The following NRROS variants were observed in gnomAD, a reference collection of about 807,000 sequenced individuals.
NRROS encodes negative regulator of reactive oxygen species, also known as transforming growth factor beta activator LRRC33.
Under a neutral mutation model 12.0 loss-of-function variants are expected in NRROS, and 6 were observed. The ratio of observed to expected loss-of-function variants is 0.50; its 90% confidence interval spans 0.27 to 0.98. NRROS has a LOEUF of 0.98. Ranked by LOEUF, NRROS falls within the 50% of genes least tolerant of loss-of-function variation. NRROS has a pLI of 0.11. For synonymous variants in NRROS, 462 were observed against 410.2 expected (o/e 1.13, Z -1.53); for missense variants, 857 against 888.2 (o/e 0.96, Z 0.45).
Position 196,649,627 on chromosome 3 carries a change from G to A in NRROS, c.-13-4900G>A, listed in dbSNP as rs375149144. Among the ~76,000 whole-genome samples the A allele has an allele frequency of 1.6e-3, 236 of 152,108 alleles. 2 individuals carry two copies. Among genetic ancestry groups the A allele is most frequent in the African/African-American group, 4.1e-3 (169 of 41,504 alleles). On this transcript the variant is annotated intron_variant, in intron 1 of 2. Transcript: ENST00000328557. The stretch of plus-strand genomic sequence containing the variant: ...GCTGGGACTACAGGCGCCCGCCACC[G>A]CGCCCGGCTAATTTTTTGTATTTTT...
intron 1 of NRROS, among the ~76,000 whole-genome samples, chr3:196,649,744 ACAGGC>A (rs1355154142): frequency 6.6e-6 from 1 of 152,238 alleles, no homozygotes; most frequent in Non-Finnish European, 1.5e-5. Flanking sequence ...TGCTGGGATT[ACAGGC>A]GTGAGCCACT....
At position 196,654,834 on chromosome 3, in the gene NRROS, G is replaced by A. The variant is rs1737504569; in HGVS notation, c.108+187G>A. On this transcript the variant is annotated intron_variant, in intron 2 of 2. Coordinates refer to ENST00000328557, the MANE Select transcript of NRROS (RefSeq NM_198565.3). The surrounding 1 kb of genome is among the most constrained non-coding windows in gnomAD (Gnocchi z 4.4). ...CCACAGGATTTTAAGATGCTTCCTG[G>A]GAAGAGCCAGGCAGTCCCTGCCCCG... The A allele has an allele frequency of 1.8e-6, 1 of 569,572 alleles. No homozygotes were observed. The highest frequency in any genetic ancestry group is 1.9e-5 in the African/African-American group (1 of 52,642). 35.3% of individuals were successfully genotyped at this position (569,572 alleles called of 1,614,324 possible).
In NRROS at chr3:196,661,880, C is replaced by G; in HGVS notation, c.*158C>G. On this transcript the variant is annotated 3_prime_UTR_variant, in exon 3 of 3. Transcript: ENST00000328557. The stretch of plus-strand genomic sequence containing the variant: ...CCTCATCGCCCACCCCACCCCCGCC[C>G]CCACCACCGCCCAAGTTCTTTTTCC... 1 of 486,216 alleles carries G rather than the reference C, an allele frequency of 2.1e-6. No homozygotes were observed. The highest frequency in any genetic ancestry group is 3.5e-6 in the Non-Finnish European group (1 of 283,918). 30.1% of individuals were successfully genotyped at this position (486,216 alleles called of 1,614,324 possible).
At chr3:196,650,574 C>T (rs1737405293) in intron 1 of NRROS, among the ~76,000 whole-genome samples, 1 of 152,240 alleles carries the variant, frequency 6.6e-6, no homozygotes, top group Non-Finnish European at 1.5e-5. Flanking sequence ...AGCCACCGCA[C>T]CTGTTCGCAA....
In NRROS at chr3:196,661,723, C is replaced by A. The variant is rs1316735601; in HGVS notation, c.*1C>A. On this transcript the variant is annotated 3_prime_UTR_variant, in exon 3 of 3. Coordinates refer to ENST00000328557, the MANE Select transcript of NRROS (RefSeq NM_198565.3). ...CTGCCACTGGTCCTCCGTTTACTGA[C>A]CTGGCTGTGTGCCAAGACTCGAAAT... is the stretch of plus-strand genomic sequence containing the variant. 1.9e-6 allele frequency: 3 copies of A among 1,580,888 alleles called. No individual in the cohort carries two copies. The highest frequency in any genetic ancestry group is 2.6e-6 in the Non-Finnish European group (3 of 1,166,470).
At chr3:196,643,073 CAAAA>C (rs10719005) in intron 1 of NRROS, among the ~76,000 whole-genome samples, 97 of 129,404 alleles carry the variant, frequency 7.5e-4, no homozygotes, top group African/African-American at 7.2e-4. Flanking sequence ...AATTCTGTCT[CAAAA>C]AAAAAAAAAA....
chr3:196,644,337 T>A (rs890710066), intron 1 of NRROS, among the ~76,000 whole-genome samples: 7 of 145,676 alleles, frequency 4.8e-5, no homozygotes, highest in African/African-American at 1.8e-4. Flanking sequence ...AGGCGGAGGT[T>A]GCAGTGAGCC....
At position 196,654,908 on chromosome 3, in the gene NRROS, G is replaced by A; in HGVS notation, c.108+261G>A. ...AGGAGGCATCCGAGACCAGCCTAGG[G>A]CATCCTCCCGGAACAAGAACAACTT... On this transcript the variant is annotated intron_variant, in intron 2 of 2. Transcript: ENST00000328557. The surrounding 1 kb of genome is among the most constrained non-coding windows in gnomAD (Gnocchi z 4.4). The A allele has an allele frequency of 2.5e-6, 1 of 405,558 alleles. No homozygotes were observed. The highest frequency in any genetic ancestry group is 2.1e-5 in the African/African-American group (1 of 48,324). The allele number at this position is 405,558 out of a possible 1,614,324, so 25.1% of individuals were successfully genotyped here.
chr3:196,661,121 C>T lies in NRROS; in HGVS notation c.1478C>T (p.Ser493Leu). The T allele has an allele frequency of 6.2e-7, 1 of 1,613,720 alleles. No individual in the cohort carries two copies. The highest frequency in any genetic ancestry group is 8.5e-7 in the Non-Finnish European group (1 of 1,179,684). The change falls in exon 3 of 3, where the codon TCA (serine) becomes TTA (leucine). Residue 493 changes from serine (S) to leucine (L), a missense_variant. Coordinates refer to ENST00000328557, the MANE Select transcript of NRROS (RefSeq NM_198565.3). ...QGTSLTYLDL[S>L]SNWGVLNGSL... ...ACCTCCCTGACCTACTTAGACCTCTCAAGCAACTGGGGGGTTCTGAATGGG... is the reference window on the plus strand; with the variant it reads ...ACCTCCCTGACCTACTTAGACCTCTTAAGCAACTGGGGGGTTCTGAATGGG...
At chr3:196,642,637 C>T (rs897079371) in intron 1 of NRROS, among the ~76,000 whole-genome samples, 14 of 152,178 alleles carry the variant, frequency 9.2e-5, no homozygotes, top group Non-Finnish European at 2.1e-4. Context: ...CGGGCCCAGC[C>T]TTACTCATAG....
chr3:196,657,007 C>CAGCCTG (rs1206745118), intron 2 of NRROS, among the ~76,000 whole-genome samples: 1 of 151,492 alleles, frequency 6.6e-6, no homozygotes, highest in Non-Finnish European at 1.5e-5. Flanking sequence ...AGTTTGAGAC[C>CAGCCTG]AGCCTGACCA....
intron 1 of NRROS, among the ~76,000 whole-genome samples, chr3:196,645,104 G>A (rs1271791898): frequency 6.6e-6 from 1 of 152,120 alleles, no homozygotes; most frequent in African/African-American, 2.4e-5. Flanking sequence ...TAAGAAATTA[G>A]AAAACTTCCA....
intron 2 of NRROS, among the ~76,000 whole-genome samples, chr3:196,658,835 T>A (rs1393181172): frequency 6.6e-6 from 1 of 152,112 alleles, no homozygotes; most frequent in Non-Finnish European, 1.5e-5. Flanking sequence ...CTGGGCGTGG[T>A]GGCATGTGCC....
Position 196,660,394 on chromosome 3 carries a change from G to C in NRROS, c.751G>C (p.Glu251Gln). The change falls in exon 3 of 3, where the codon GAG (glutamate) becomes CAG (glutamine). Residue 251 changes from glutamate to glutamine, a missense_variant. Transcript: ENST00000328557. This position sits in a 1 kb window ranked among gnomAD's most constrained non-coding sequence, Gnocchi z 7.7. ...CGCGACCGGGGGAGAGGCTGCCTTC[G>C]AGCTGGAGACGCTGGACCTGTCTCA... ...FLATGGEAAF[E>Q]LETLDLSHNQ... The C allele has an allele frequency of 6.2e-7, 1 of 1,613,888 alleles. No individual in the cohort carries two copies. The highest frequency in any genetic ancestry group is 8.5e-7 in the Non-Finnish European group (1 of 1,179,940).
chr3:196,644,592 C>T (rs563870681), intron 1 of NRROS, among the ~76,000 whole-genome samples: 16 of 132,954 alleles, frequency 1.2e-4, no homozygotes, highest in African/African-American at 3.8e-4. Flanking sequence ...AACCCCATCT[C>T]TATTAAAAAT....
intron 1 of NRROS, among the ~76,000 whole-genome samples, chr3:196,645,112 C>G (rs1027358215): frequency 9.2e-5 from 14 of 152,308 alleles, no homozygotes; most frequent in African/African-American, 3.4e-4. Flanking sequence ...TAGAAAACTT[C>G]CATAGGAAAT....
intron 2 of NRROS, among the ~76,000 whole-genome samples, chr3:196,659,377 C>T (rs780230919): frequency 2.1e-5 from 3 of 146,324 alleles, no homozygotes; most frequent in Admixed American, 1.4e-4. Flanking sequence ...GGTGCAGTCT[C>T]GGCTCACTGC....
intron 1 of NRROS, among the ~76,000 whole-genome samples, chr3:196,652,400 C>T (rs566809258): frequency 3.9e-5 from 6 of 152,320 alleles, no homozygotes; most frequent in East Asian, 1.9e-4. Flanking sequence ...TGGTTATTCT[C>T]ATGCAACTCT....
In NRROS at chr3:196,661,951, T is replaced by A. The variant is rs149399559; in HGVS notation, c.*229T>A. 3.2e-3 allele frequency: 1,260 copies of A among 395,608 alleles called. 24 individuals are homozygous for A. The East Asian group carries it at 0.043, about 13-fold the overall frequency. The allele number at this position is 395,608 out of a possible 1,614,324, so 24.5% of individuals were successfully genotyped here. On this transcript the variant is annotated 3_prime_UTR_variant, in exon 3 of 3. Transcript: ENST00000328557. Reference sequence around the variant, plus strand: ...TTATCTTGGTAAAATATTTATTAAGTGACTTTTTCAGAAATAAAAGGCAAC... The same window carrying A: ...TTATCTTGGTAAAATATTTATTAAGAGACTTTTTCAGAAATAAAAGGCAAC...
Sources: gnomAD v4.1 joint callset for allele counts (sites outside exome capture counted in the v4.1 genomes callset) on GRCh38, gnomAD v4.1.1 for gene constraint, Gnocchi (gnomAD v3.1) non-coding constraint, MANE v1.5 for transcripts, NCBI Gene and HGNC (gene_info 2026-07-23, HGNC 2026-07-21) for gene names.